The following TTF2 variants were observed in gnomAD, a reference collection of about 807,000 sequenced individuals.
TTF2 encodes the protein RNA polymerase II termination factor.
Under a neutral mutation model 142.4 loss-of-function variants are expected in TTF2, and 108 were observed. The observed-to-expected ratio is 0.76, with a 90% CI of 0.65 to 0.89. The LOEUF is 0.89. Among genes scored for constraint, TTF2 ranks in the 40% least tolerant of loss-of-function variants. TTF2 has a pLI of 0.00. For synonymous variants in TTF2, 483 were observed against 506.2 expected, an observed-to-expected ratio of 0.95 and a Z score of 0.61; for missense variants, 1,327 against 1,379.8, an observed-to-expected ratio of 0.96 and a Z score of 0.61.
Position 117,090,499 on chromosome 1 carries a change from G to A in TTF2, c.2497-33G>A. On this transcript the variant is annotated intron_variant, in intron 14 of 22. Coordinates refer to ENST00000369466, the MANE Select transcript of TTF2 (RefSeq NM_003594.4). The surrounding 1 kb of genome is among the most constrained non-coding windows in gnomAD (Gnocchi z 4.8). ...CTATAATAGGCAGTTAATTTGTATA[G>A]CTTCATGCCAGCTTTTTTTTTTATT... is the stretch of plus-strand genomic sequence containing the variant. 3.1e-6 allele frequency: 5 copies of A among 1,591,128 alleles called. No individual in the cohort carries two copies. The highest frequency in any genetic ancestry group is 4.3e-6 in the Non-Finnish European group (5 of 1,164,018).
chr1:117,107,103 G>T lies in TTF2; in HGVS notation c.*5579G>T. On this transcript the variant is annotated 3_prime_UTR_variant, in exon 23 of 23. Coordinates refer to ENST00000369466, the MANE Select transcript of TTF2 (RefSeq NM_003594.4). ...ATTTCTGAAGCACTTTGTTACACTG[G>T]GGACAGCTCCTAAATCCTCCCACTC... 6.6e-6 allele frequency: 1 copy of T among 152,214 alleles called. No individual in the cohort carries two copies. The allele number at this position is 152,214 out of a possible 1,614,324, so 9.4% of individuals were successfully genotyped here. A position where few individuals can be genotyped will look rare whatever the true frequency, so the allele number is the denominator to read the frequency against.
chr1:117,074,264 T>C (rs934948454), intron 4 of TTF2, among the ~76,000 whole-genome samples: 1 of 152,176 alleles, frequency 6.6e-6, no homozygotes, highest in African/African-American at 2.4e-5. Context: ...AAGCAAGTGT[T>C]TTAAGACAAT....
Position 117,075,327 on chromosome 1 carries a change from A to C in TTF2, c.743A>C (p.Gln248Pro), listed in dbSNP as rs575011318. 5 of 1,614,216 alleles carry C rather than the reference A, an allele frequency of 3.1e-6. No homozygotes were observed. The East Asian group carries it at 1.1e-4, about 36-fold the overall frequency. The change falls in exon 5 of 23, where the codon CAA becomes CCA. Residue 248 changes from glutamine to proline, a missense_variant. Physicochemically the swap from Gln to Pro is moderately conservative, Grantham distance 76 (BLOSUM62 -1). Coordinates refer to ENST00000369466, the MANE Select transcript of TTF2 (RefSeq NM_003594.4). This position sits in a 1 kb window ranked among gnomAD's most constrained non-coding sequence, Gnocchi z 4.5. ...TCAAGTGGTAAGAGTCAAGATGTCCAAAGAGAATCAGAACCTCTGAGAGAA... is the reference window on the plus strand; with the variant it reads ...TCAAGTGGTAAGAGTCAAGATGTCCCAAGAGAATCAGAACCTCTGAGAGAA... ...EKSSGKSQDV[Q>P]RESEPLREKV...
rs1160547418 is a variant in TTF2 at position 117,076,106 on chromosome 1, AG to A, written c.1276-72del. 6.9e-6 allele frequency: 10 copies of A among 1,443,178 alleles called. No homozygotes were observed. The highest frequency in any genetic ancestry group is 9.5e-6 in the Non-Finnish European group (10 of 1,052,518). The allele number at this position is 1,443,178 out of a possible 1,614,324, so 89.4% of individuals were successfully genotyped here. ...CATAATTTCAGAGTTTGGGTGTTTC[AG>A]GCTATTTTAATCTGAAACTATTCAT... On this transcript the variant is annotated intron_variant, in intron 5 of 22. Coordinates refer to ENST00000369466, the MANE Select transcript of TTF2 (RefSeq NM_003594.4). The surrounding 1 kb of genome is among the most constrained non-coding windows in gnomAD (Gnocchi z 4.6).
rs1455502583 is a variant in TTF2, at chr1:117,096,278, T to G, written c.3165T>G (p.Phe1055Leu). Reference protein sequence around the residue: ...PKQRMDLVEAFNHSRGPQVML... With the variant: ...PKQRMDLVEALNHSRGPQVML... ...AGAGAATGGACTTGGTAGAGGCATT[T>G]AACCACTCCAGAGGCCCTCAGGTAC... The change falls in exon 20 of 23, where the codon TTT (phenylalanine) becomes TTG (leucine). Residue 1055 changes from phenylalanine (F) to leucine (L), a missense_variant. Coordinates refer to ENST00000369466, the MANE Select transcript of TTF2 (RefSeq NM_003594.4). 1 of 1,614,156 alleles carries G rather than the reference T, an allele frequency of 6.2e-7. No individual in the cohort carries two copies. The highest frequency in any genetic ancestry group is 1.7e-5 in the Admixed American group (1 of 60,006).
chr1:117,066,951 C>A (rs1030264270), intron 3 of TTF2, among the ~76,000 whole-genome samples: 2 of 152,102 alleles, frequency 1.3e-5, no homozygotes, highest in Non-Finnish European at 2.9e-5. Context: ...GGTCTGCCTG[C>A]CTCAGCCTCC....
At chr1:117,089,131 A>C (rs1648311739) in intron 13 of TTF2, 149 bp downstream of exon 13, 1 of 800,096 alleles carries the variant, frequency 1.2e-6, no homozygotes, top group Admixed American at 3.6e-5. Flanking sequence ...CAAAAGAATA[A>C]ATATTTATGA....
rs558882183 is a variant in TTF2, at chr1:117,095,040, A to G, written c.2977-269A>G. Among the ~76,000 whole-genome samples, 3 of 152,324 alleles carry G rather than the reference A, an allele frequency of 2.0e-5. No homozygotes were observed. The South Asian group carries it at 6.2e-4, about 32-fold the overall frequency. ...GTGAGAAACGAACCCAGAGAAGCAG[A>G]GGCTGGAGCAGCAAGAATCCGGCAA... On this transcript the variant is annotated intron_variant, in intron 18 of 22. Transcript: ENST00000369466.
intron 2 of TTF2, 150 bp from the exon 3 acceptor site, chr1:117,062,237 C>A (rs1655739634): frequency 3.1e-6 from 2 of 647,770 alleles, no homozygotes; most frequent in Non-Finnish European, 5.3e-6. Flanking sequence ...CAAAGGAATG[C>A]CCATAGCTGT....
In TTF2 at chr1:117,097,455, T is replaced by C. The variant is rs1251598359; in HGVS notation, c.3269+22T>C. On this transcript the variant is annotated intron_variant, in intron 21 of 22. Coordinates refer to ENST00000369466, the MANE Select transcript of TTF2 (RefSeq NM_003594.4). The surrounding 1 kb of genome is among the most constrained non-coding windows in gnomAD (Gnocchi z 4.1). ...ACTGGTAATGATTCCGGATTTGTCCTGGGTTGTCACAGCACATCAAGGAGG... is the reference window on the plus strand; with the variant it reads ...ACTGGTAATGATTCCGGATTTGTCCCGGGTTGTCACAGCACATCAAGGAGG... The C allele has an allele frequency of 6.2e-7, 1 of 1,613,190 alleles. No homozygotes were observed. Among genetic ancestry groups the C allele is most frequent in the African/African-American group, 1.3e-5 (1 of 75,024 alleles).
At chr1:117,065,044 A>G (rs1259365140) in intron 3 of TTF2, among the ~76,000 whole-genome samples, 1 of 152,090 alleles carries the variant, frequency 6.6e-6, no homozygotes, top group East Asian at 1.9e-4. Flanking sequence ...ATGTAAGTCT[A>G]TTTCTGGGGT....
intron 3 of TTF2, among the ~76,000 whole-genome samples, chr1:117,072,164 G>T (rs1177055952): frequency 6.6e-6 from 1 of 152,158 alleles, no homozygotes; most frequent in Non-Finnish European, 1.5e-5. Context: ...GGCTGTGTTT[G>T]TGTGTGCAGG....
chr1:117,069,696 T>G (rs528185076), intron 3 of TTF2, among the ~76,000 whole-genome samples: 1 of 152,232 alleles, frequency 6.6e-6, no homozygotes, highest in Admixed American at 6.5e-5. Flanking sequence ...ACTAATTAGG[T>G]GGTAGGGCTG....
chr1:117,089,926 TTA>T, intron 13 of TTF2, 127 bp from the exon 14 acceptor site: 1 of 1,106,502 alleles, frequency 9.0e-7, no homozygotes, highest in South Asian at 1.6e-5. Context: ...AAATTCACTT[TTA>T]AAAGTGATTG....
At position 117,090,767 on chromosome 1, in the gene TTF2, AT is replaced by A. The variant is rs1648508168; in HGVS notation, c.2588+149del. The A allele has an allele frequency of 1.1e-5, 8 of 722,644 alleles. No homozygotes were observed. The highest frequency in any genetic ancestry group is 2.8e-5 in the East Asian group (1 of 36,028). The allele number at this position is 722,644 out of a possible 1,614,324, so 44.8% of individuals were successfully genotyped here. ...TGTATTCCCTTTTTTTTTTTACCCC[AT>A]TTTTCTCCTTCTCCCCTCCCCAGCT... On this transcript the variant is annotated intron_variant, in intron 15 of 22. Coordinates refer to ENST00000369466, the MANE Select transcript of TTF2 (RefSeq NM_003594.4). This position sits in a 1 kb window ranked among gnomAD's most constrained non-coding sequence, Gnocchi z 4.8.
chr1:117,088,751 C>T (rs766244743), intron 12 of TTF2, 50 bp from the exon 13 acceptor site: 8 of 1,589,938 alleles, frequency 5.0e-6, no homozygotes. Context: ...TCCTTAAGGA[C>T]ATGTACATTT....
Position 117,090,341 on chromosome 1 carries a change from G to T in TTF2, c.2496+133G>T. 1.5e-6 allele frequency: 2 copies of T among 1,321,326 alleles called. No individual in the cohort carries two copies. The highest frequency in any genetic ancestry group is 2.1e-6 in the Non-Finnish European group (2 of 956,948). 81.9% of individuals were successfully genotyped at this position (1,321,326 alleles called of 1,614,324 possible). A position where few individuals can be genotyped will look rare whatever the true frequency, so the allele number is the denominator to read the frequency against. The stretch of plus-strand genomic sequence containing the variant: ...CCCATCCTCCTGTGAGGAGGCCCCA[G>T]GGTTGCAGTTCCATGCCTAGTGTCA... On this transcript the variant is annotated intron_variant, in intron 14 of 22. Transcript: ENST00000369466. This position sits in a 1 kb window ranked among gnomAD's most constrained non-coding sequence, Gnocchi z 4.8.
At position 117,070,686 on chromosome 1, in the gene TTF2, G is replaced by A. The variant is rs1433211457; in HGVS notation, c.219-2975G>A. Among the ~76,000 whole-genome samples, 1 of 152,170 alleles carries A rather than the reference G, an allele frequency of 6.6e-6. No homozygotes were observed. On this transcript the variant is annotated intron_variant, in intron 3 of 22. Coordinates refer to ENST00000369466, the MANE Select transcript of TTF2 (RefSeq NM_003594.4). This position sits in a 1 kb window ranked among gnomAD's most constrained non-coding sequence, Gnocchi z 4.2. ...ATGCATTCAAAGCATTTCAGAAATT[G>A]TATTACATATGTTTAATATAATATC...
chr1:117,083,582 C>T (rs1647729604), intron 10 of TTF2, among the ~76,000 whole-genome samples: 1 of 152,232 alleles, frequency 6.6e-6, no homozygotes, highest in Admixed American at 6.5e-5. Flanking sequence ...TCCAGCCACT[C>T]TGTGAAAGCA....
Sources: allele counts gnomAD v4.1 joint callset (sites outside exome capture counted in the v4.1 genomes callset), GRCh38; gene constraint gnomAD v4.1.1; non-coding constraint Gnocchi (gnomAD v3.1); transcripts MANE v1.5; gene names NCBI Gene and HGNC (gene_info 2026-07-23, HGNC 2026-07-21).